The following SLC38A12 variants were observed in gnomAD, a reference collection of about 807,000 sequenced individuals.
SLC38A12 encodes the protein solute carrier family 38 member 12.
the SLC38A12 span, among the ~76,000 whole-genome samples, chr17:74,777,892 CA>C: frequency 6.6e-6 from 1 of 152,086 alleles, no homozygotes; most frequent in Non-Finnish European, 1.5e-5. Context: ...CCAGCCTGGG[CA>C]AAAAGAGCGA....
the SLC38A12 span, among the ~76,000 whole-genome samples, chr17:74,787,114 C>T: frequency 6.6e-6 from 1 of 152,128 alleles, no homozygotes; most frequent in African/African-American, 2.4e-5. Context: ...AATGAGAAAC[C>T]TTTCTAGGAG....
At chr17:74,838,900 G>T in the SLC38A12 span, 1 of 1,535,724 alleles carries the variant, frequency 6.5e-7, no homozygotes, top group Non-Finnish European at 8.7e-7. Context: ...GGCCCCCGGG[G>T]TCAGTGATGG....
the SLC38A12 span, chr17:74,839,182 G>A: frequency 3.3e-5 from 50 of 1,493,746 alleles, no homozygotes; most frequent in Admixed American, 8.2e-5. Flanking sequence ...TAGATGGGGC[G>A]GATGGCAGGT....
chr17:74,781,440 G>A, the SLC38A12 span, among the ~76,000 whole-genome samples: 199 of 151,920 alleles, frequency 1.3e-3, no homozygotes, highest in Non-Finnish European at 2.4e-3. Context: ...ACTTGCCACC[G>A]TCCCCGGCTA....
the SLC38A12 span, among the ~76,000 whole-genome samples, chr17:74,823,631 A>C: frequency 3.3e-5 from 5 of 152,162 alleles, no homozygotes; most frequent in Non-Finnish European, 2.9e-5. Flanking sequence ...GGTGGCAGAT[A>C]CCTCTGAATC....
chr17:74,801,068 G>T, the SLC38A12 span, among the ~76,000 whole-genome samples: 3 of 152,226 alleles, frequency 2.0e-5, no homozygotes, highest in Admixed American at 1.3e-4. Context: ...GGAGGGGGAA[G>T]GGTGTTGCTT....
chr17:74,813,238 G>A, the SLC38A12 span, among the ~76,000 whole-genome samples: 1 of 152,316 alleles, frequency 6.6e-6, no homozygotes, highest in Admixed American at 6.5e-5. Flanking sequence ...GACATTGCCC[G>A]CTTTTCAAGT....
chr17:74,826,283 T>G, the SLC38A12 span, among the ~76,000 whole-genome samples: 1 of 152,170 alleles, frequency 6.6e-6, no homozygotes, highest in South Asian at 2.1e-4. Context: ...GCTCAGACAC[T>G]TGCCCTTCAC....
the SLC38A12 span, among the ~76,000 whole-genome samples, chr17:74,835,587 C>A: frequency 1.3e-5 from 2 of 152,186 alleles, no homozygotes; most frequent in South Asian, 4.1e-4. Context: ...GATGAGGGAG[C>A]CAGGCAGTGC....
At chr17:74,787,645 A>C in the SLC38A12 span, among the ~76,000 whole-genome samples, 1 of 151,244 alleles carries the variant, frequency 6.6e-6, no homozygotes, top group Non-Finnish European at 1.5e-5. Context: ...AAAAAAAAAG[A>C]AAGCAGGAGA....
the SLC38A12 span, among the ~76,000 whole-genome samples, chr17:74,791,258 G>A: frequency 2.6e-5 from 4 of 151,244 alleles, no homozygotes; most frequent in East Asian, 1.9e-4. Flanking sequence ...CTTCTCTAGC[G>A]GAAGTCAGGA....
the SLC38A12 span, among the ~76,000 whole-genome samples, chr17:74,807,611 G>T: frequency 9.2e-5 from 14 of 152,310 alleles, no homozygotes; most frequent in Admixed American, 3.9e-4. Context: ...CTTCCCCTCC[G>T]CAAGTGCCAG....
chr17:74,791,056 T>C, the SLC38A12 span: 6 of 1,606,964 alleles, frequency 3.7e-6, no homozygotes, highest in East Asian at 1.3e-4. Context: ...CTTTTGGGGG[T>C]GGGGTGTGGG....
At chr17:74,828,607 T>G in the SLC38A12 span, among the ~76,000 whole-genome samples, 2 of 152,058 alleles carry the variant, frequency 1.3e-5, no homozygotes, top group Non-Finnish European at 2.9e-5. Context: ...TATGGAGATG[T>G]CCCTCTGATG....
the SLC38A12 span, among the ~76,000 whole-genome samples, chr17:74,805,492 A>G: frequency 6.6e-6 from 1 of 152,078 alleles, no homozygotes; most frequent in Non-Finnish European, 1.5e-5. This position sits in a 1 kb window ranked among gnomAD's most constrained non-coding sequence, Gnocchi z 5.0. Flanking sequence ...CTCCCCGGAG[A>G]GGGCATCTCA....
chr17:74,836,531 C>A, the SLC38A12 span: 1 of 1,613,146 alleles, frequency 6.2e-7, no homozygotes, highest in East Asian at 2.2e-5. The surrounding 1 kb of genome is among the most constrained non-coding windows in gnomAD (Gnocchi z 4.2). Context: ...TGTACCACTG[C>A]CGCAGGGACA....
the SLC38A12 span, among the ~76,000 whole-genome samples, chr17:74,826,204 G>A: frequency 6.6e-6 from 1 of 152,204 alleles, no homozygotes; most frequent in Non-Finnish European, 1.5e-5. Context: ...GGCTCCGAGG[G>A]TGTGGGGAAG....
chr17:74,832,647 G>A, the SLC38A12 span, among the ~76,000 whole-genome samples: 2 of 152,258 alleles, frequency 1.3e-5, no homozygotes, highest in Admixed American at 1.3e-4. Context: ...CAGAGCTGGT[G>A]GCATCTCCAT....
chr17:74,780,549 G>A, the SLC38A12 span, among the ~76,000 whole-genome samples: 7 of 152,278 alleles, frequency 4.6e-5, no homozygotes, highest in East Asian at 7.7e-4. Context: ...ACTGTCCCAC[G>A]ACCAGCAGAA....
Sources: gnomAD v4.1 joint callset for allele counts (sites outside exome capture counted in the v4.1 genomes callset) on GRCh38, gnomAD v4.1.1 for gene constraint, Gnocchi (gnomAD v3.1) non-coding constraint, MANE v1.5 for transcripts, NCBI Gene and HGNC (gene_info 2026-07-23, HGNC 2026-07-21) for gene names.